The following KIAA1755 variants were observed in gnomAD, a reference collection of about 807,000 sequenced individuals.
KIAA1755 encodes the protein uncharacterized protein KIAA1755.
KIAA1755 carries 68 observed loss-of-function variants against 91.7 expected under a neutral mutation model. That is an observed-to-expected ratio of 0.74 (90% CI 0.61 to 0.91). The LOEUF (loss-of-function observed/expected upper bound fraction) is 0.91, where lower values mean the gene tolerates loss of function less well. Among genes scored for constraint, KIAA1755 ranks in the 40% least tolerant of loss-of-function variants. The pLI is 0.00. For synonymous variants in KIAA1755, 610 were observed against 604.6 expected (o/e 1.01, Z -0.13); for missense variants, 1,535 against 1,494.4 (o/e 1.03, Z -0.45).
At chr20:38,214,707 C>A (rs937635230) in intron 13 of KIAA1755, among the ~76,000 whole-genome samples, 35 of 152,224 alleles carry the variant, frequency 2.3e-4, no homozygotes, top group Admixed American at 4.6e-4. Flanking sequence ...CCGCAGGCCC[C>A]CTCCCTCCAG....
intron 6 of KIAA1755, 66 bp downstream of exon 6, chr20:38,228,081 G>T (rs901817010): frequency 8.1e-6 from 10 of 1,233,556 alleles, no homozygotes; most frequent in Non-Finnish European, 1.1e-5. Context: ...CGGACTCTAT[G>T]AATGTCAGGA....
chr20:38,243,482 C>A (rs1405880249), intron 2 of KIAA1755, among the ~76,000 whole-genome samples: 1 of 152,192 alleles, frequency 6.6e-6, no homozygotes, highest in Non-Finnish European at 1.5e-5. Flanking sequence ...TTGCAAACAG[C>A]AAAGCACCAG....
rs755084491 is a variant in KIAA1755, at chr20:38,241,350, A to G, written c.781T>C (p.Phe261Leu). The G allele has an allele frequency of 1.2e-6, 2 of 1,614,086 alleles. No individual in the cohort carries two copies. The highest frequency in any genetic ancestry group is 2.2e-5 in the South Asian group (2 of 91,070). ...VEQARCGEVA[F>L]RMDEVVSQDF... ...TGGCTGACCACCTCGTCCATCCTGA[A>G]AGCCACCTCCCCACACCGGGCTTGC... The change falls in exon 3 of 14, where the codon TTC becomes CTC. Residue 261 changes from phenylalanine (F) to leucine (L), a missense_variant. Phe to Leu is a conservative substitution (Grantham distance 22). Transcript: ENST00000279024.
At chr20:38,234,832 G>C (rs1271846260) in intron 4 of KIAA1755, among the ~76,000 whole-genome samples, 1 of 152,204 alleles carries the variant, frequency 6.6e-6, no homozygotes, top group Non-Finnish European at 1.5e-5. Context: ...TTTGTCTTCA[G>C]CTGGGCCAAG....
intron 12 of KIAA1755, 106 bp downstream of exon 12, chr20:38,218,138 C>G (rs1374107803): frequency 6.8e-7 from 1 of 1,481,358 alleles, no homozygotes. Context: ...GTCTCTGGAA[C>G]TTTTCTTGCT....
chr20:38,260,152 A>C, intron 1 of KIAA1755: 1 of 1,303,536 alleles, frequency 7.7e-7, no homozygotes, highest in South Asian at 1.6e-5. Context: ...TGCATATCAC[A>C]GTCAGTTCCA....
intron 1 of KIAA1755, among the ~76,000 whole-genome samples, chr20:38,254,059 A>G (rs1337465312): frequency 6.6e-6 from 1 of 151,958 alleles, no homozygotes; most frequent in African/African-American, 2.4e-5. Context: ...AATTTTTTGT[A>G]TTTTTAGTAG....
intron 13 of KIAA1755, chr20:38,216,919 A>C: frequency 1.8e-6 from 1 of 547,302 alleles, no homozygotes; most frequent in South Asian, 1.5e-5. Flanking sequence ...TTGGGGAAGC[A>C]TATAAGGCAT....
chr20:38,220,297 CTTTTTTTTTTTT>C (rs35575614), intron 10 of KIAA1755, among the ~76,000 whole-genome samples: 3 of 134,394 alleles, frequency 2.2e-5, no homozygotes, highest in East Asian at 2.1e-4. Context: ...TGATGTTTCC[CTTTTTTTTTTTT>C]TTTTTTTTTT....
chr20:38,225,291 A>T (rs1198489241), intron 8 of KIAA1755, among the ~76,000 whole-genome samples: 6 of 152,200 alleles, frequency 3.9e-5, no homozygotes, highest in Non-Finnish European at 2.9e-5. Flanking sequence ...TGTGAATCAC[A>T]GCGCCCGGCC....
chr20:38,235,944 T>G (rs2075953153), intron 4 of KIAA1755, among the ~76,000 whole-genome samples: 1 of 152,176 alleles, frequency 6.6e-6, no homozygotes, highest in Admixed American at 6.5e-5. Flanking sequence ...GATCTAGATC[T>G]TGAAGCACAG....
At position 38,231,305 on chromosome 20, in the gene KIAA1755, G is replaced by A. The variant is rs761879258; in HGVS notation, c.1768C>T (p.Arg590Trp). Residue 590 changes from arginine (R) to tryptophan (W), a missense_variant, in exon 5 of 14, where the codon CGG (arginine) becomes TGG (tryptophan). Arg to Trp is a moderately radical substitution (Grantham distance 101). Transcript: ENST00000279024. The stretch of plus-strand genomic sequence containing the variant: ...GTAGTTGACACCAGAAGCAGGGGCC[G>A]CCCGGCCCTGTCCCGGCCACCTGGA... The part of the protein sequence containing the change: ...CLPGGRDRAG[R>W]PLLLVSTTEG... 1.1e-5 allele frequency: 18 copies of A among 1,610,198 alleles called. 1 individual carries two copies. The highest frequency in any genetic ancestry group is 4.5e-5 in the East Asian group (2 of 44,806).
rs774041888 is a variant in KIAA1755, at chr20:38,240,575, A to G, written c.1549+7T>C. The G allele has an allele frequency of 2.0e-6, 3 of 1,489,046 alleles. No individual in the cohort carries two copies. In the South Asian group the frequency reaches 4.4e-5, roughly 22 times the overall value. 92.2% of individuals were successfully genotyped at this position (1,489,046 alleles called of 1,614,324 possible). On this transcript the variant is annotated splice_region_variant and intron_variant, in intron 3 of 13. Transcript: ENST00000279024. Reference sequence around the variant, plus strand: ...TCCTTGTACAGCTGAGCATGTGGGCATCTTACCTTTCCCCAAAGATTTGGC... The same window carrying G: ...TCCTTGTACAGCTGAGCATGTGGGCGTCTTACCTTTCCCCAAAGATTTGGC...
chr20:38,225,885 G>A (rs1460663790), intron 7 of KIAA1755, 104 bp from the exon 8 acceptor site: 7 of 619,706 alleles, frequency 1.1e-5, no homozygotes, highest in East Asian at 9.7e-5. Context: ...TTTCCCACAA[G>A]TAAGGTTGAC....
chr20:38,260,605 C>T lies in KIAA1755; in HGVS notation c.-105G>A, dbSNP rs959248198. On this transcript the variant is annotated 5_prime_UTR_variant, in exon 1 of 14. Coordinates refer to ENST00000279024, the MANE Select transcript of KIAA1755 (RefSeq NM_001029864.2). ...GGGCAGCCCTCGGTCCCGCCTAGCC[C>T]TGGAGCCAGGGGATAGGGCAGGCCC... 2.3e-5 allele frequency: 32 copies of T among 1,408,050 alleles called. No individual in the cohort carries two copies. Among genetic ancestry groups the T allele is most frequent in the Non-Finnish European group, 3.0e-5 (32 of 1,075,344 alleles). The allele number at this position is 1,408,050 out of a possible 1,614,324, so 87.2% of individuals were successfully genotyped here.
Position 38,231,225 on chromosome 20 carries a change from C to A in KIAA1755, c.1848G>T (p.Leu616=), listed in dbSNP as rs117470471. The change falls in exon 5 of 14, where the codon CTG becomes CTT. Residue 616 remains leucine, a synonymous_variant. Transcript: ENST00000279024. ...ACCTGGGGATGGTACACAGGTAGGA[C>A]AGTAGCTTGGTGACCTCTGAAACTG... The part of the protein sequence containing the change: ...WCTVSEVTKL[L]SYLCTIPRPE... 8.1e-6 allele frequency: 13 copies of A among 1,613,656 alleles called. 1 individual carries two copies. In the Middle Eastern group the frequency reaches 8.3e-4, roughly 104 times the overall value.
In KIAA1755 at chr20:38,213,250, T is replaced by C. The variant is rs755359379; in HGVS notation, c.3395A>G (p.Gln1132Arg). 3 of 1,613,370 alleles carry C rather than the reference T, an allele frequency of 1.9e-6. No individual in the cohort carries two copies. The highest frequency in any genetic ancestry group is 2.7e-5 in the African/African-American group (2 of 74,946). ...TTTGCCGTCTTCAGCCTCTGCAGCC[T>C]GGCCAGCTTCCTGGGGTGGAGAGCC... is the stretch of plus-strand genomic sequence containing the variant. The part of the protein sequence containing the change: ...QAGSPPQEAG[Q>R]AAEAEDGKGS... The change falls in exon 14 of 14, where the codon CAG (glutamine) becomes CGG (arginine). Residue 1132 changes from glutamine to arginine, a missense_variant. By Grantham distance (43) the Gln-to-Arg change is conservative. Coordinates refer to ENST00000279024, the MANE Select transcript of KIAA1755 (RefSeq NM_001029864.2).
At chr20:38,238,075 A>C (rs183130640) in intron 4 of KIAA1755, among the ~76,000 whole-genome samples, 1 of 152,248 alleles carries the variant, frequency 6.6e-6, no homozygotes, top group East Asian at 1.9e-4. Flanking sequence ...CCTCTCAAGG[A>C]GGCCCAGAGA....
At chr20:38,231,560 A>T (rs1485186574) in intron 4 of KIAA1755, among the ~76,000 whole-genome samples, 1 of 152,168 alleles carries the variant, frequency 6.6e-6, no homozygotes, top group African/African-American at 2.4e-5. Context: ...CCTCTGTATA[A>T]GATACGTGGG....
Sources: gnomAD v4.1 joint callset for allele counts (sites outside exome capture counted in the v4.1 genomes callset) on GRCh38, gnomAD v4.1.1 for gene constraint, MANE v1.5 for transcripts, NCBI Gene and HGNC (gene_info 2026-07-23, HGNC 2026-07-21) for gene names.